Variants in OTUD4 observed in about 807,000 individuals in gnomAD.
OTUD4 encodes OTU deubiquitinase 4, also known as OTU domain-containing protein 4.
In OTUD4, 24 loss-of-function variants were observed where a neutral mutation model predicts 130.4. That is an observed-to-expected ratio of 0.18 (90% confidence interval 0.13 to 0.26). OTUD4 has a LOEUF of 0.26. Ranked by LOEUF, OTUD4 falls within the 10% of genes least tolerant of loss-of-function variation. The pLI is 1.00. For synonymous variants in OTUD4, 420 were observed against 472.5 expected (o/e 0.89, Z 1.44); for missense variants, 1,031 against 1,329.4 (o/e 0.78, Z 3.49).
At chr4:145,179,782 C>T in intron 1 of OTUD4, 33 bp downstream of exon 1, 3 of 1,394,156 alleles carry the variant, frequency 2.2e-6, no homozygotes, top group Non-Finnish European at 2.9e-6. Flanking sequence ...TCCCCGCCTC[C>T]CCTCGAAGCC....
chr4:145,174,839 T>A (rs1231761915), intron 1 of OTUD4, 95 bp from the exon 2 acceptor site: 5 of 695,904 alleles, frequency 7.2e-6, no homozygotes, highest in South Asian at 3.1e-5. Context: ...TGACAACCAA[T>A]AGATTATCAG....
intron 20 of OTUD4, among the ~76,000 whole-genome samples, chr4:145,139,248 T>A (rs753079933): frequency 3.9e-5 from 6 of 152,206 alleles, no homozygotes; most frequent in Non-Finnish European, 8.8e-5. Flanking sequence ...TACATTAAAA[T>A]TAAGCAATGC....
intron 8 of OTUD4, 68 bp downstream of exon 8, chr4:145,155,868 T>G: frequency 7.5e-7 from 1 of 1,325,306 alleles, no homozygotes; most frequent in South Asian, 1.3e-5. Context: ...AGAAAAAAAT[T>G]AAGATTTTAA....
At position 145,138,555 on chromosome 4, in the gene OTUD4, G is replaced by T; in HGVS notation, c.2220C>A (p.Val740=). ...AACRMYPKVP[V]PVYPHNPWFQ... ...ACCAGGGATTATGAGGATAAACAGG[G>T]ACAGGGACCTTTGGGTACATCCTGC... Residue 740 remains valine, a synonymous_variant, in exon 21 of 21, where the codon GTC becomes GTA. Coordinates refer to ENST00000447906, the MANE Select transcript of OTUD4 (RefSeq NM_001366057.1). 2 of 1,614,092 alleles carry T rather than the reference G, an allele frequency of 1.2e-6. No homozygotes were observed. The highest frequency in any genetic ancestry group is 1.7e-6 in the Non-Finnish European group (2 of 1,180,006).
intron 17 of OTUD4, 38 bp downstream of exon 17, chr4:145,143,327 A>T (rs1332484064): frequency 8.0e-7 from 1 of 1,253,948 alleles, no homozygotes; most frequent in Admixed American, 1.7e-5. Flanking sequence ...AAACCCAGAG[A>T]GTGGAGCATT....
intron 7 of OTUD4, among the ~76,000 whole-genome samples, chr4:145,157,356 C>A (rs1340846653): frequency 6.6e-6 from 1 of 152,078 alleles, no homozygotes; most frequent in Non-Finnish European, 1.5e-5. Flanking sequence ...GTGGTTTCCC[C>A]CATGCTGTTC....
At chr4:145,142,709 C>A (rs1267582821) in intron 17 of OTUD4, among the ~76,000 whole-genome samples, 1 of 152,180 alleles carries the variant, frequency 6.6e-6, no homozygotes, top group Non-Finnish European at 1.5e-5. Flanking sequence ...AAATACAACA[C>A]AATACTTTTA....
chr4:145,141,818 C>T (rs1750576218), intron 18 of OTUD4, among the ~76,000 whole-genome samples, 179 bp from the exon 19 acceptor site: 1 of 152,116 alleles, frequency 6.6e-6, no homozygotes, highest in African/African-American at 2.4e-5. Context: ...GATACAAGCT[C>T]TGAGTCAATG....
chr4:145,160,858 C>G (rs1384489641), intron 6 of OTUD4, among the ~76,000 whole-genome samples: 1 of 151,902 alleles, frequency 6.6e-6, no homozygotes, highest in Non-Finnish European at 1.5e-5. Flanking sequence ...GCCTGTAATT[C>G]CAGCACTTTG....
At chr4:145,179,720 T>C in intron 1 of OTUD4, 95 bp downstream of exon 1, 2 of 1,422,670 alleles carry the variant, frequency 1.4e-6, no homozygotes, top group Non-Finnish European at 1.8e-6. Context: ...GCCCCGGCCG[T>C]GGGCGGCCCG....
Position 145,150,867 on chromosome 4 carries a change from C to A in OTUD4, c.1007G>T (p.Ser336Ile), listed in dbSNP as rs1374086450. The A allele has an allele frequency of 6.2e-7, 1 of 1,613,812 alleles. No individual in the cohort carries two copies. The highest frequency in any genetic ancestry group is 1.7e-5 in the Admixed American group (1 of 59,966). The change falls in exon 12 of 21, where the codon AGC becomes ATC. Residue 336 changes from serine to isoleucine, a missense_variant. This residue lies in a region of OTUD4 where 900 missense variants were observed against 1,095.9 expected (regional missense o/e 0.82). Transcript: ENST00000447906. The stretch of plus-strand genomic sequence containing the variant: ...CTTCTTCCCTGACACTGTGTTCCAG[C>A]TTTCTGGGGGAGGTGCCTTGAGGTT... ...SKNLKAPPPE[S>I]WNTVSGKKMK...
At chr4:145,170,472 A>G (rs962320714) in intron 3 of OTUD4, among the ~76,000 whole-genome samples, 6 of 152,214 alleles carry the variant, frequency 3.9e-5, no homozygotes, top group African/African-American at 1.4e-4. Context: ...TTCAAATACA[A>G]CTCACTCTCC....
Position 145,136,297 on chromosome 4 carries a change from C to G in OTUD4, c.*1133G>C, listed in dbSNP as rs182061836. The G allele has an allele frequency of 5.9e-5, 9 of 152,534 alleles. 1 individual carries two copies. Among genetic ancestry groups the G allele is most frequent in the Admixed American group, 3.3e-4 (5 of 15,282 alleles). The allele number at this position is 152,534 out of a possible 1,614,324, so 9.4% of individuals were successfully genotyped here. On this transcript the variant is annotated 3_prime_UTR_variant, in exon 21 of 21. Coordinates refer to ENST00000447906, the MANE Select transcript of OTUD4 (RefSeq NM_001366057.1). ...AAGAAAACAGAATGTAAGATGTTAC[C>G]TACCTAAGGGTAACAAGCTATAAAA...
intron 14 of OTUD4, among the ~76,000 whole-genome samples, chr4:145,145,254 CAT>C (rs373679858): frequency 1.3e-5 from 2 of 152,154 alleles, no homozygotes; most frequent in Non-Finnish European, 2.9e-5. Context: ...TATAATAACA[CAT>C]GACATGAGAG....
At position 145,138,070 on chromosome 4, in the gene OTUD4, T is replaced by C. The variant is rs1560975206; in HGVS notation, c.2705A>G (p.Asp902Gly). 6.2e-7 allele frequency: 1 copy of C among 1,614,058 alleles called. No individual in the cohort carries two copies. The change falls in exon 21 of 21, where the codon GAT (aspartate) becomes GGT (glycine). Residue 902 changes from aspartate to glycine, a missense_variant. Coordinates refer to ENST00000447906, the MANE Select transcript of OTUD4 (RefSeq NM_001366057.1). ...LSLENLDLSK[D>G]CGSVSTVDEF... Reference sequence around the variant, plus strand: ...ATCTACTGTTGAAACTGAACCACAATCTTTAGACAGATCCAGATTTTCCAG... The same window carrying C: ...ATCTACTGTTGAAACTGAACCACAACCTTTAGACAGATCCAGATTTTCCAG...
rs77647299 is a variant in OTUD4 at position 145,165,440 on chromosome 4, T to C, written c.295-243A>G. Among the ~76,000 whole-genome samples, 291 of 152,274 alleles carry C rather than the reference T, an allele frequency of 1.9e-3. 5 individuals carry two copies. The East Asian group carries it at 0.051, about 27-fold the overall frequency. On this transcript the variant is annotated intron_variant, in intron 3 of 20. Coordinates refer to ENST00000447906, the MANE Select transcript of OTUD4 (RefSeq NM_001366057.1). ...TAACAGGGTGAAATGACAGTTCCTA[T>C]TGGTGTGGCAAGACCACAGCATGGC...
intron 16 of OTUD4, 110 bp from the exon 17 acceptor site, chr4:145,143,555 A>C: frequency 1.6e-6 from 1 of 637,108 alleles, no homozygotes; most frequent in Non-Finnish European, 2.7e-6. Context: ...GAACCCTCTC[A>C]CCACTGAGTA....
rs1476306757 is a variant in OTUD4, at chr4:145,142,312, A to G, written c.1706T>C (p.Leu569Ser). 1.2e-5 allele frequency: 20 copies of G among 1,613,914 alleles called. No homozygotes were observed. The highest frequency in any genetic ancestry group is 2.2e-5 in the East Asian group (1 of 44,900). ...AACTAGAAGGGGAGCTGGATTTGAC[A>G]AAGACACATGTTCTGCTGGCTTCTT... ...AEQKPAEHVS[L>S]SNPAPLLVSP... The change falls in exon 18 of 21, where the codon TTG becomes TCG. Residue 569 changes from leucine to serine, a missense_variant. Physicochemically the swap from Leu to Ser is moderately radical, Grantham distance 145 (BLOSUM62 -2). This residue lies in a region of OTUD4 where 900 missense variants were observed against 1,095.9 expected (regional missense o/e 0.82). Transcript: ENST00000447906.
intron 1 of OTUD4, 43 bp downstream of exon 1, chr4:145,179,770 CGT>C: frequency 1.4e-6 from 2 of 1,426,518 alleles, no homozygotes; most frequent in Non-Finnish European, 1.9e-6. Context: ...CCCGCCGGGC[CGT>C]CCCCGCCTCC....
Sources: gnomAD v4.1 joint callset for allele counts (sites outside exome capture counted in the v4.1 genomes callset) on GRCh38, gnomAD v4.1.1 for gene constraint, gnomAD v4.1.1 regional missense constraint, MANE v1.5 for transcripts, NCBI Gene and HGNC (gene_info 2026-07-23, HGNC 2026-07-21) for gene names.